CNTNAP5: variants seen among roughly 807,000 people sequenced by gnomAD.
CNTNAP5 encodes contactin associated protein family member 5, also known as contactin-associated protein-like 5.
A neutral mutation model predicts 150.2 loss-of-function variants in CNTNAP5; 72 were observed. The observed-to-expected ratio is 0.48, with a 90% CI of 0.40 to 0.58. The LOEUF (loss-of-function observed/expected upper bound fraction) is 0.58. Among genes scored for constraint, CNTNAP5 ranks in the 20% least tolerant of loss-of-function variants. The probability of loss-of-function intolerance (pLI) is 0.00; values close to 1 mark genes in which losing one functional copy is unlikely to be tolerated. For missense variants in CNTNAP5, 1,636 were observed against 1,626.2 expected (o/e 1.01, Z -0.10); for synonymous variants, 672 against 619.8 (o/e 1.08, Z -1.25).
intron 19 of CNTNAP5, among the ~76,000 whole-genome samples, chr2:124,809,585 TTA>T (rs1491555823): frequency 6.0e-5 from 4 of 66,898 alleles, no homozygotes; most frequent in African/African-American, 8.3e-5. Flanking sequence ...AACATGATCT[TTA>T]AAAAAAAACC....
chr2:124,706,168 G>C (rs1334921407), intron 13 of CNTNAP5, among the ~76,000 whole-genome samples: 1 of 152,144 alleles, frequency 6.6e-6, no homozygotes, highest in African/African-American at 2.4e-5. Context: ...TTACCCAAAA[G>C]ACGAGTGTTC....
intron 3 of CNTNAP5, among the ~76,000 whole-genome samples, chr2:124,316,211 C>A (rs1261962475): frequency 6.6e-6 from 1 of 152,138 alleles, no homozygotes; most frequent in East Asian, 1.9e-4. Flanking sequence ...GCCTGCAGAC[C>A]ACACTTTCCT....
intron 4 of CNTNAP5, among the ~76,000 whole-genome samples, chr2:124,428,236 A>C (rs1573988964): frequency 6.6e-6 from 1 of 152,210 alleles, no homozygotes; most frequent in East Asian, 1.9e-4. Flanking sequence ...ACTCTGGAGA[A>C]ACATTGACCC....
chr2:124,400,959 C>T (rs1327081727), intron 3 of CNTNAP5, among the ~76,000 whole-genome samples: 1 of 151,990 alleles, frequency 6.6e-6, no homozygotes, highest in Admixed American at 6.6e-5. Flanking sequence ...GCAACCTCCG[C>T]CTCCCGGGTT....
At chr2:124,336,988 C>A (rs549608235) in intron 3 of CNTNAP5, among the ~76,000 whole-genome samples, 3 of 152,152 alleles carry the variant, frequency 2.0e-5, no homozygotes, top group Admixed American at 2.0e-4. Context: ...TACAGTCCCA[C>A]CAACAGTGTA....
At chr2:124,395,288 G>A (rs1045344545) in intron 3 of CNTNAP5, among the ~76,000 whole-genome samples, 7 of 152,152 alleles carry the variant, frequency 4.6e-5, no homozygotes, top group Non-Finnish European at 7.3e-5. Flanking sequence ...TGCCTCCCAA[G>A]AAGCAACAGT....
chr2:124,698,936 G>A (rs527697981), intron 13 of CNTNAP5, among the ~76,000 whole-genome samples: 1 of 152,248 alleles, frequency 6.6e-6, no homozygotes, highest in African/African-American at 2.4e-5. Context: ...GCAGCCCAGT[G>A]TGAGGAATGG....
At chr2:124,333,430 T>A (rs1447826699) in intron 3 of CNTNAP5, among the ~76,000 whole-genome samples, 1 of 152,158 alleles carries the variant, frequency 6.6e-6, no homozygotes, top group Non-Finnish European at 1.5e-5. Context: ...GGTAGGAAAT[T>A]TACATATCAT....
At chr2:124,544,638 A>G (rs1024822351) in intron 10 of CNTNAP5, among the ~76,000 whole-genome samples, 4 of 152,216 alleles carry the variant, frequency 2.6e-5, no homozygotes, top group African/African-American at 9.7e-5. Context: ...TATTGGTAAT[A>G]GAGAACTCAA....
At position 124,920,667 on chromosome 2, in the gene CNTNAP5, G is replaced by A. The variant is rs1272309970; in HGVS notation, c.*6379G>A. 2.0e-5 allele frequency among the ~76,000 whole-genome samples: 3 copies of A among 152,092 alleles called. No homozygotes were observed. Among genetic ancestry groups the A allele is most frequent in the Non-Finnish European group, 1.5e-5 (1 of 68,012 alleles). ...CTTAGTCACTAGCCTAGGGCAGAAA[G>A]GCAGCCATGTATAAATGAATACCCA... On this transcript the variant is annotated 3_prime_UTR_variant, in exon 24 of 24. Transcript: ENST00000682447.
intron 13 of CNTNAP5, among the ~76,000 whole-genome samples, chr2:124,713,217 CTGTTTCTTTCTTTCTTTCTTTCTT>C (rs1558746462): frequency 7.2e-5 from 8 of 111,330 alleles, no homozygotes; most frequent in African/African-American, 1.7e-4. Flanking sequence ...CTTTCTTTCT[CTGTTTCTTTCTTTCTTTCTTTCTT>C]TCTCTTTCTT....
chr2:124,092,434 G>A (rs558062713), intron 1 of CNTNAP5, among the ~76,000 whole-genome samples: 4 of 152,238 alleles, frequency 2.6e-5, no homozygotes, highest in East Asian at 1.9e-4. Flanking sequence ...TTCTCAGCCC[G>A]CAGGCTGTAC....
chr2:124,473,579 A>C (rs910042869), intron 6 of CNTNAP5, among the ~76,000 whole-genome samples: 2 of 152,026 alleles, frequency 1.3e-5, no homozygotes, highest in African/African-American at 4.8e-5. Flanking sequence ...ATAAGAAGAC[A>C]TTCTGATTGG....
At chr2:124,273,859 A>G (rs1687818664) in intron 3 of CNTNAP5, among the ~76,000 whole-genome samples, 1 of 152,178 alleles carries the variant, frequency 6.6e-6, no homozygotes, top group African/African-American at 2.4e-5. Context: ...TTGACCTTGA[A>G]GCTCAAAAAC....
chr2:124,538,368 A>T (rs1695290583), intron 10 of CNTNAP5, among the ~76,000 whole-genome samples: 1 of 151,962 alleles, frequency 6.6e-6, no homozygotes, highest in African/African-American at 2.4e-5. Flanking sequence ...ATCCCAGCTG[A>T]TGGGGAGGCT....
At chr2:124,703,420 A>G (rs765563433) in intron 13 of CNTNAP5, among the ~76,000 whole-genome samples, 1 of 152,288 alleles carries the variant, frequency 6.6e-6, no homozygotes, top group African/African-American at 2.4e-5. Context: ...CAGCTTGCAT[A>G]TCTTCTACTT....
chr2:124,835,964 G>T (rs1032381570), intron 19 of CNTNAP5, among the ~76,000 whole-genome samples: 5 of 152,062 alleles, frequency 3.3e-5, no homozygotes, highest in African/African-American at 1.2e-4. Context: ...GCCTGTTCCA[G>T]TCTTTTAGTT....
intron 4 of CNTNAP5, among the ~76,000 whole-genome samples, chr2:124,424,070 C>T (rs1304975666): frequency 6.6e-6 from 1 of 152,164 alleles, no homozygotes; most frequent in Non-Finnish European, 1.5e-5. Context: ...CTTCAGGTCG[C>T]CTCTGTTCCA....
chr2:124,617,575 A>T (rs1432844818), intron 12 of CNTNAP5, among the ~76,000 whole-genome samples: 1 of 152,088 alleles, frequency 6.6e-6, no homozygotes. Context: ...GATACCCTTC[A>T]TACTGGATTA....
Sources: gnomAD v4.1 joint callset for allele counts (sites outside exome capture counted in the v4.1 genomes callset) on GRCh38, gnomAD v4.1.1 for gene constraint, MANE v1.5 for transcripts, NCBI Gene and HGNC (gene_info 2026-07-23, HGNC 2026-07-21) for gene names.